The following ADGRA1 variants were observed in gnomAD, a reference collection of about 807,000 sequenced individuals.
The protein encoded by ADGRA1 is G-protein coupled receptor 123.
Under a neutral mutation model 21.3 loss-of-function variants are expected in ADGRA1, and 12 were observed. The ratio of observed to expected loss-of-function variants is 0.56; its 90% CI spans 0.36 to 0.91. The LOEUF (loss-of-function observed/expected upper bound fraction) is 0.91, where lower values mean the gene tolerates loss of function less well. Ranked by LOEUF, ADGRA1 falls within the 40% of genes least tolerant of loss-of-function variation. The probability of loss-of-function intolerance (pLI) is 0.01; values close to 1 mark genes in which losing one functional copy is unlikely to be tolerated. For synonymous variants in ADGRA1, 385 were observed against 368.8 expected, an observed-to-expected ratio of 1.04 and a Z score of -0.50; for missense variants, 790 against 805.6, an observed-to-expected ratio of 0.98 and a Z score of 0.23.
intron 5 of ADGRA1, among the ~76,000 whole-genome samples, chr10:133,122,240 G>T (rs1009287679): frequency 1.3e-5 from 2 of 152,242 alleles, no homozygotes; most frequent in Non-Finnish European, 2.9e-5. Context: ...AGGCTGTGAT[G>T]GTGCCACTGC....
intron 5 of ADGRA1, among the ~76,000 whole-genome samples, chr10:133,123,599 GT>G: frequency 6.6e-6 from 1 of 152,334 alleles, no homozygotes; most frequent in East Asian, 1.9e-4. Flanking sequence ...TGTGGCCACG[GT>G]GAAAGCTCAG....
chr10:133,103,487 G>A (rs902837161), intron 5 of ADGRA1, among the ~76,000 whole-genome samples: 2 of 152,312 alleles, frequency 1.3e-5, no homozygotes, highest in Non-Finnish European at 1.5e-5. Flanking sequence ...CTCCCCCGCC[G>A]CCCCGGCGGC....
In ADGRA1 at chr10:133,103,162, CGGCTGCTCTGG is replaced by C. The variant is rs1170763567; in HGVS notation, c.401+326_401+336del. ...GCCCTCCACATCTGCAGCTGGAGCC[CGGCTGCTCTGG>C]GGCTGGTCTGGGGCTGGCGTGTGTT... is the stretch of plus-strand genomic sequence containing the variant. On this transcript the variant is annotated intron_variant, in intron 5 of 6. Coordinates refer to ENST00000392607, the MANE Select transcript of ADGRA1 (RefSeq NM_001083909.3). Among the ~76,000 whole-genome samples the C allele has an allele frequency of 2.6e-5, 4 of 152,092 alleles. No homozygotes were observed. The East Asian group carries it at 7.7e-4, about 29-fold the overall frequency.
intron 3 of ADGRA1, among the ~76,000 whole-genome samples, chr10:133,097,305 G>T (rs969604271): frequency 1.3e-5 from 2 of 152,258 alleles, no homozygotes; most frequent in Non-Finnish European, 2.9e-5. Flanking sequence ...GCTCAGGGAA[G>T]CCGCGCCTGT....
In ADGRA1 at chr10:133,095,577, C is replaced by A. The variant is rs910288157; in HGVS notation, c.4-1397C>A. ...CAGGGCCCCTCCGGTGCCCGCCTGG[C>A]CAGTGCTGTTCGAACCCTGGGGCAG... On this transcript the variant is annotated intron_variant, in intron 2 of 6. Coordinates refer to ENST00000392607, the MANE Select transcript of ADGRA1 (RefSeq NM_001083909.3). 9 of 1,493,724 alleles carry A rather than the reference C, an allele frequency of 6.0e-6. No homozygotes were observed. The African/African-American group carries it at 9.7e-5, about 16-fold the overall frequency. The allele number at this position is 1,493,724 out of a possible 1,614,324, so 92.5% of individuals were successfully genotyped here.
At chr10:133,124,757 G>C (rs114460994) in intron 5 of ADGRA1, among the ~76,000 whole-genome samples, 2,219 of 152,374 alleles carry the variant, frequency 0.015, 52 homozygotes, top group African/African-American at 0.049. Context: ...GACACCGGTG[G>C]GCCGAGGCTG....
chr10:133,123,859 G>A (rs56974189), intron 5 of ADGRA1, among the ~76,000 whole-genome samples: 5 of 152,154 alleles, frequency 3.3e-5, no homozygotes, highest in Non-Finnish European at 7.4e-5. Context: ...GGTGATGTCA[G>A]TACAGCCAAA....
chr10:133,128,181 C>T (rs1159405759), intron 6 of ADGRA1, 148 bp from the exon 7 acceptor site: 1 of 580,820 alleles, frequency 1.7e-6, no homozygotes, highest in Non-Finnish European at 2.9e-6. Context: ...ACACTCTCAG[C>T]GACTCTAGAA....
intron 5 of ADGRA1, among the ~76,000 whole-genome samples, chr10:133,124,185 C>T (rs983573577): frequency 6.8e-6 from 1 of 147,504 alleles, no homozygotes; most frequent in South Asian, 2.2e-4. Flanking sequence ...CCAGGCCACC[C>T]TCTTGGGCTC....
rs941196352 is a variant in ADGRA1, at chr10:133,128,369, G to C, written c.541G>C (p.Gly181Arg). The change falls in exon 7 of 7, where the codon GGC becomes CGC. Residue 181 changes from glycine to arginine, a missense_variant. Gly to Arg is a moderately radical substitution (Grantham distance 125). Coordinates refer to ENST00000392607, the MANE Select transcript of ADGRA1 (RefSeq NM_001083909.3). The stretch of plus-strand genomic sequence containing the variant: ...GGAGCCCAGCCTGGGCGCCTTCTAC[G>C]GCCCAGCCGCCATCATCACCCTGGT... ...AWEPSLGAFY[G>R]PAAIITLVTC... 6.3e-7 allele frequency: 1 copy of C among 1,575,898 alleles called. No homozygotes were observed. Among genetic ancestry groups the C allele is most frequent in the African/African-American group, 1.4e-5 (1 of 73,278 alleles).
chr10:133,119,809 C>G (rs960656733), intron 5 of ADGRA1, among the ~76,000 whole-genome samples: 2 of 152,246 alleles, frequency 1.3e-5, no homozygotes, highest in African/African-American at 4.8e-5. Context: ...AGCAGTAGGT[C>G]TCAACAGTGG....
chr10:133,121,115 GACA>G (rs1391034237), intron 5 of ADGRA1, among the ~76,000 whole-genome samples: 1 of 152,166 alleles, frequency 6.6e-6, no homozygotes, highest in East Asian at 1.9e-4. Context: ...TGGTGCCCAA[GACA>G]ACTACCATGG....
intron 5 of ADGRA1, among the ~76,000 whole-genome samples, chr10:133,113,144 CGTCGGTT>C (rs1564850623): frequency 2.9e-3 from 97 of 33,528 alleles, no homozygotes; most frequent in African/African-American, 0.012. Flanking sequence ...CTGTGGGCCA[CGTCGGTT>C]ATTTGAGGTC....
At chr10:133,088,560 C>G (rs1190178619) in intron 1 of ADGRA1, 148 bp from the exon 2 acceptor site, 28 of 354,886 alleles carry the variant, frequency 7.9e-5, no homozygotes, top group African/African-American at 1.1e-4. Context: ...CCGGCACCGC[C>G]TCCGCCAGCC....
intron 5 of ADGRA1, among the ~76,000 whole-genome samples, chr10:133,109,481 C>G (rs1165026301): frequency 6.6e-6 from 1 of 152,182 alleles, no homozygotes; most frequent in Non-Finnish European, 1.5e-5. Context: ...TCAGAGCCTT[C>G]CTGTCTGCCC....
At chr10:133,097,304 A>G (rs1851705396) in intron 3 of ADGRA1, among the ~76,000 whole-genome samples, 2 of 152,210 alleles carry the variant, frequency 1.3e-5, no homozygotes, top group Admixed American at 1.3e-4. Context: ...AGCTCAGGGA[A>G]GCCGCGCCTG....
intron 3 of ADGRA1, 102 bp from the exon 4 acceptor site, chr10:133,098,538 C>G: frequency 7.0e-7 from 1 of 1,433,930 alleles, no homozygotes; most frequent in Non-Finnish European, 9.3e-7. Context: ...CACGGAGAGC[C>G]CGGACTTCCC....
rs755111182 is a variant in ADGRA1, at chr10:133,128,554, C to T, written c.726C>T (p.Gly242=). The change falls in exon 7 of 7, where the codon GGC becomes GGT. Residue 242 remains glycine, a synonymous_variant. Coordinates refer to ENST00000392607, the MANE Select transcript of ADGRA1 (RefSeq NM_001083909.3). The part of the protein sequence containing the change: ...PGTPPAHDAP[G]ASVLQNEHSF... ...CCCCACCCGCACACGATGCCCCCGG[C>T]GCCTCCGTGCTGCAGAACGAGCACT... 42 of 1,555,816 alleles carry T rather than the reference C, an allele frequency of 2.7e-5. No individual in the cohort carries two copies. In the South Asian group the frequency reaches 4.3e-4, roughly 16 times the overall value.
At chr10:133,092,753 G>T (rs956829719) in intron 2 of ADGRA1, among the ~76,000 whole-genome samples, 1 of 116,790 alleles carries the variant, frequency 8.6e-6, no homozygotes, top group Non-Finnish European at 1.7e-5. Context: ...TAGGGAGGGA[G>T]GAAGGAAGGA....
Sources: gnomAD v4.1 joint callset for allele counts (sites outside exome capture counted in the v4.1 genomes callset) on GRCh38, gnomAD v4.1.1 for gene constraint, MANE v1.5 for transcripts, NCBI Gene and HGNC (gene_info 2026-07-23, HGNC 2026-07-21) for gene names.